PAPPA: variants seen among roughly 807,000 people sequenced by gnomAD.
PAPPA encodes pappalysin-1.
PAPPA carries 60 observed loss-of-function variants against 164.0 expected under a neutral mutation model. The ratio of observed to expected loss-of-function variants is 0.37; its 90% CI spans 0.30 to 0.45. PAPPA has a LOEUF of 0.45. Among genes scored for constraint, PAPPA ranks in the 20% least tolerant of loss-of-function variants. PAPPA has a pLI of 1.00. For missense variants in PAPPA, 1,782 were observed against 2,087.3 expected (o/e 0.85, Z 2.85); for synonymous variants, 875 against 814.1 (o/e 1.07, Z -1.27).
chr9:116,175,448 T>C (rs951189961), intron 1 of PAPPA, among the ~76,000 whole-genome samples: 3 of 152,194 alleles, frequency 2.0e-5, no homozygotes, highest in African/African-American at 7.2e-5. Flanking sequence ...GGTTCAGCCA[T>C]TCCATAATGT....
At chr9:116,215,546 A>T (rs1844359800) in intron 4 of PAPPA, among the ~76,000 whole-genome samples, 1 of 152,150 alleles carries the variant, frequency 6.6e-6, no homozygotes, top group Non-Finnish European at 1.5e-5. Context: ...AATGATGAGA[A>T]CACATGGACA....
At chr9:116,214,238 C>G (rs1844344077) in intron 4 of PAPPA, among the ~76,000 whole-genome samples, 1 of 152,164 alleles carries the variant, frequency 6.6e-6, no homozygotes, top group South Asian at 2.1e-4. Flanking sequence ...AGAATAGCCA[C>G]ATGTGGCTGG....
chr9:116,183,024 T>C (rs1843925405), intron 1 of PAPPA, among the ~76,000 whole-genome samples: 1 of 152,198 alleles, frequency 6.6e-6, no homozygotes, highest in Non-Finnish European at 1.5e-5. Context: ...GCATGTGGCC[T>C]TCGGTTTTGC....
Position 116,307,943 on chromosome 9 carries a change from T to C in PAPPA, c.3147+4993T>C, listed in dbSNP as rs558233808. The stretch of plus-strand genomic sequence containing the variant: ...GAAATGAAGGATGCAGAGAAAACAC[T>C]CTGTGCTGGGTTTGTTAACTTGATG... On this transcript the variant is annotated intron_variant, in intron 10 of 21. Transcript: ENST00000328252. Among the ~76,000 whole-genome samples the C allele has an allele frequency of 9.1e-4, 138 of 152,150 alleles. 1 individual carries two copies. Among genetic ancestry groups the C allele is most frequent in the Middle Eastern group, 6.8e-3 (2 of 294 alleles).
intron 1 of PAPPA, among the ~76,000 whole-genome samples, chr9:116,183,790 C>G (rs1022018805): frequency 2.6e-5 from 4 of 152,146 alleles, no homozygotes; most frequent in African/African-American, 9.7e-5. Flanking sequence ...CTAAGCCACC[C>G]CTTATTTCTT....
chr9:116,359,092 GA>G (rs1469368290), intron 17 of PAPPA, among the ~76,000 whole-genome samples: 1 of 152,192 alleles, frequency 6.6e-6, no homozygotes, highest in Non-Finnish European at 1.5e-5. Flanking sequence ...ACCCAGCTGG[GA>G]AGTTGCCAAG....
chr9:116,223,871 C>A (rs1379897274), intron 5 of PAPPA, among the ~76,000 whole-genome samples: 1 of 152,196 alleles, frequency 6.6e-6, no homozygotes, highest in African/African-American at 2.4e-5. Context: ...ATCCTCTGGG[C>A]CTTCTTCCAT....
intron 18 of PAPPA, among the ~76,000 whole-genome samples, chr9:116,363,223 A>G (rs1399484687): frequency 6.6e-6 from 1 of 152,166 alleles, no homozygotes; most frequent in Non-Finnish European, 1.5e-5. Context: ...CAGGCCCTTC[A>G]TCAAGCACTT....
At position 116,344,535 on chromosome 9, in the gene PAPPA, CT is replaced by C; in HGVS notation, c.3612-7del. On this transcript the variant is annotated splice_polypyrimidine_tract_variant and splice_region_variant and intron_variant, in intron 13 of 21. Transcript: ENST00000328252. The stretch of plus-strand genomic sequence containing the variant: ...ACTCCTTCTTCCCCTCGTTTCTTTC[CT>C]CCCCAGCTGCGTGCACTTCGCATGT... 1 of 1,605,538 alleles carries C rather than the reference CT, an allele frequency of 6.2e-7. No homozygotes were observed. Among genetic ancestry groups the C allele is most frequent in the South Asian group, 1.1e-5 (1 of 90,762 alleles).
At chr9:116,220,251 A>T (rs1587958125) in intron 5 of PAPPA, 122 bp downstream of exon 5, 1 of 691,592 alleles carries the variant, frequency 1.4e-6, no homozygotes, top group Non-Finnish European at 2.4e-6. Flanking sequence ...TTCAAAAGGT[A>T]TCTCCACCAC....
chr9:116,372,946 T>C (rs974424633), intron 19 of PAPPA, among the ~76,000 whole-genome samples: 28 of 152,310 alleles, frequency 1.8e-4, no homozygotes, highest in African/African-American at 6.3e-4. Flanking sequence ...TGTGGCAGAA[T>C]TAGCTAGCTA....
Position 116,322,828 on chromosome 9 carries a change from C to T in PAPPA, c.3148-8416C>T, listed in dbSNP as rs556768355. On this transcript the variant is annotated intron_variant, in intron 10 of 21. Transcript: ENST00000328252. Reference sequence around the variant, plus strand: ...TGTTTGTGTGTGTTGCACACTTGTACATTTATGGGTACTGTTAGTGTCAGT... The same window carrying T: ...TGTTTGTGTGTGTTGCACACTTGTATATTTATGGGTACTGTTAGTGTCAGT... Among the ~76,000 whole-genome samples, 6 of 152,118 alleles carry T rather than the reference C, an allele frequency of 3.9e-5. No individual in the cohort carries two copies. The South Asian group carries it at 6.2e-4, about 16-fold the overall frequency.
At chr9:116,176,199 G>A (rs150738430) in intron 1 of PAPPA, among the ~76,000 whole-genome samples, 59 of 152,312 alleles carry the variant, frequency 3.9e-4, no homozygotes, top group Non-Finnish European at 7.6e-4. Flanking sequence ...GGGCCAAAGT[G>A]AGGAAATCTT....
chr9:116,322,645 G>A (rs1588003664), intron 10 of PAPPA, among the ~76,000 whole-genome samples: 1 of 152,076 alleles, frequency 6.6e-6, no homozygotes, highest in East Asian at 1.9e-4. Context: ...TAAGAATCTT[G>A]GAGGTTTATA....
chr9:116,349,210 C>A (rs1221511572), intron 15 of PAPPA, among the ~76,000 whole-genome samples: 1 of 151,708 alleles, frequency 6.6e-6, no homozygotes, highest in Non-Finnish European at 1.5e-5. Flanking sequence ...TCCAGTCCAG[C>A]TAGTGCATTT....
At chr9:116,298,998 C>T (rs569733066) in intron 9 of PAPPA, among the ~76,000 whole-genome samples, 2 of 152,092 alleles carry the variant, frequency 1.3e-5, no homozygotes, top group Non-Finnish European at 2.9e-5. Flanking sequence ...TTGTTTTTTG[C>T]GGCCGCACAT....
rs764994982 is a variant in PAPPA, at chr9:116,334,967, G to A, written c.3504G>A (p.Ser1168=). The A allele has an allele frequency of 3.7e-5, 59 of 1,613,546 alleles. No homozygotes were observed. Among genetic ancestry groups the A allele is most frequent in the South Asian group, 1.9e-4 (17 of 91,020 alleles). The change falls in exon 13 of 22, where the codon TCG becomes TCA. Residue 1168 remains serine (S), a synonymous_variant. Transcript: ENST00000328252. The part of the protein sequence containing the change: ...HSQAVRVSFS[S]PLVAISGVAL... ...AGGCGGTACGTGTGAGCTTCAGTTC[G>A]CCCCTGGTCGCCATCTCGGGGGTGG...
At chr9:116,355,377 G>T (rs1010923946) in intron 17 of PAPPA, among the ~76,000 whole-genome samples, 1 of 152,200 alleles carries the variant, frequency 6.6e-6, no homozygotes, top group Admixed American at 6.5e-5. Flanking sequence ...AGCTGGCATC[G>T]GCTGAGTCAC....
intron 7 of PAPPA, 102 bp downstream of exon 7, chr9:116,235,739 C>CTA (rs1235329611): frequency 2.8e-6 from 3 of 1,086,926 alleles, no homozygotes; most frequent in Non-Finnish European, 4.1e-6. Context: ...TCATCACAGT[C>CTA]AAGACTCACT....
Sources: allele counts gnomAD v4.1 joint callset (sites outside exome capture counted in the v4.1 genomes callset), GRCh38; gene constraint gnomAD v4.1.1; transcripts MANE v1.5; gene names NCBI Gene and HGNC (gene_info 2026-07-23, HGNC 2026-07-21).